OAT: variants seen among roughly 807,000 people sequenced by gnomAD.
OAT encodes ornithine aminotransferase.
In OAT, 35 loss-of-function variants were observed where a neutral mutation model predicts 48.4. The observed-to-expected ratio is 0.72, with a 90% confidence interval of 0.55 to 0.96. OAT has a LOEUF of 0.96. OAT is among the 40% of genes least tolerant of loss of function. OAT has a pLI of 0.00. For synonymous variants in OAT, 182 were observed against 198.4 expected (o/e 0.92, Z 0.70); for missense variants, 438 against 537.9 (o/e 0.81, Z 1.84).
chr10:124,399,640 C>T (rs7915362), intron 9 of OAT, among the ~76,000 whole-genome samples: 115,566 of 152,102 alleles, frequency 0.76, 44,011 homozygotes, highest in East Asian at 0.91. Context: ...ACACCGCGCC[C>T]GGCCCCTCAG....
chr10:124,401,609 T>C (rs1236882702), intron 8 of OAT, 117 bp downstream of exon 8: 2 of 748,414 alleles, frequency 2.7e-6, no homozygotes, highest in Non-Finnish European at 4.7e-6. Context: ...CTATACTTCA[T>C]GTTTTCTAAT....
At position 124,398,057 on chromosome 10, in the gene OAT, A is replaced by G. The variant is rs121965043; in HGVS notation, c.1205T>C (p.Leu402Pro). 1.1e-4 allele frequency: 179 copies of G among 1,614,158 alleles called. 1 individual carries two copies. Among genetic ancestry groups the G allele is most frequent in the Non-Finnish European group, 9.3e-6 (11 of 1,180,004 alleles). ...KVCLRLRDNG[L>P]LAKPTHGDII... is the part of the protein sequence containing the mutation. ...GTCGCCATGGGTTGGCTTGGCCAGA[A>G]GTCCATTATCTCGAAGTCGTAGACA... Residue 402 changes from leucine to proline, a missense_variant, in exon 10 of 10, where the codon CTT becomes CCT. Leu to Pro is a moderately conservative substitution (Grantham distance 98). Transcript: ENST00000368845.
chr10:124,417,726 G>A (rs1951964581), intron 1 of OAT, among the ~76,000 whole-genome samples: 1 of 152,178 alleles, frequency 6.6e-6, no homozygotes, highest in South Asian at 2.1e-4. Flanking sequence ...AACAGTTCCG[G>A]GGTTAACTGA....
At chr10:124,411,235 C>CG (rs71484554) in intron 2 of OAT, among the ~76,000 whole-genome samples, 15 of 147,986 alleles carry the variant, frequency 1.0e-4, no homozygotes, top group Non-Finnish European at 1.9e-4. Flanking sequence ...ATGCAGGCGG[C>CG]GGGGGGAGAA....
intron 1 of OAT, among the ~76,000 whole-genome samples, chr10:124,413,742 G>A (rs1951832933): frequency 6.6e-6 from 1 of 152,130 alleles, no homozygotes; most frequent in Non-Finnish European, 1.5e-5. Flanking sequence ...AGAAACTAGA[G>A]AGAGTCAAAC....
chr10:124,407,289 T>C, intron 4 of OAT: 1 of 985,488 alleles, frequency 1.0e-6, no homozygotes, highest in Non-Finnish European at 1.2e-6. Context: ...ACCCTGCAGG[T>C]ATAAGGGACT....
intron 1 of OAT, chr10:124,415,062 G>A (rs1589721103): frequency 6.3e-5 from 1 of 15,812 alleles, no homozygotes; most frequent in Non-Finnish European, 9.0e-5. Context: ...TCCAGCCTGG[G>A]CTACAAAGCG....
chr10:124,399,951 C>G (rs531638797), intron 9 of OAT, among the ~76,000 whole-genome samples: 5 of 152,308 alleles, frequency 3.3e-5, no homozygotes, highest in African/African-American at 9.6e-5. Context: ...CTTGAACTCT[C>G]TAAATACTGC....
intron 1 of OAT, among the ~76,000 whole-genome samples, chr10:124,416,704 T>G (rs917162717): frequency 6.6e-6 from 1 of 152,186 alleles, no homozygotes; most frequent in Non-Finnish European, 1.5e-5. Flanking sequence ...TGAAGTTAAT[T>G]TAGCCTATAC....
At position 124,412,281 on chromosome 10, in the gene OAT, T is replaced by C. The variant is rs2674340; in HGVS notation, c.-29-81A>G. 889,293 of 1,063,574 alleles carry C rather than the reference T, an allele frequency of 0.84. 373,305 individuals carry two copies. The highest frequency in any genetic ancestry group is 0.96 in the East Asian group (37,764 of 39,532). The allele number at this position is 1,063,574 out of a possible 1,614,324, so 65.9% of individuals were successfully genotyped here. A position where few individuals can be genotyped will look rare whatever the true frequency, so the allele number is the denominator to read the frequency against. On this transcript the variant is annotated intron_variant, in intron 1 of 9. Coordinates refer to ENST00000368845, the MANE Select transcript of OAT (RefSeq NM_000274.4). ...ATCTCAGCACTTTGGGAGGCTGAGG[T>C]CAAAGGATCACGTGAGCCCAGGAGT...
At chr10:124,399,306 A>C (rs1345468529) in intron 9 of OAT, among the ~76,000 whole-genome samples, 1 of 133,122 alleles carries the variant, frequency 7.5e-6, no homozygotes, top group African/African-American at 2.8e-5. Flanking sequence ...CCAGGCTTTG[A>C]CTCATTTTTT....
chr10:124,404,657 A>G (rs1034351025), intron 5 of OAT, among the ~76,000 whole-genome samples: 3 of 152,056 alleles, frequency 2.0e-5, no homozygotes, highest in African/African-American at 7.2e-5. Context: ...ACTCCTGAAC[A>G]CAAAGTGCTC....
chr10:124,411,139 CAAAAAA>C (rs370084432), intron 2 of OAT, among the ~76,000 whole-genome samples: 3 of 15,034 alleles, frequency 2.0e-4, no homozygotes, highest in Non-Finnish European at 3.8e-4. Context: ...CATTCCGTCT[CAAAAAA>C]AAAAAAAAAA....
In OAT at chr10:124,397,352, A is replaced by C. The variant is rs1197363124; in HGVS notation, c.*590T>G. 6.6e-6 allele frequency: 1 copy of C among 152,302 alleles called. No individual in the cohort carries two copies. The highest frequency in any genetic ancestry group is 1.5e-5 in the Non-Finnish European group (1 of 68,074). The allele number at this position is 152,302 out of a possible 1,614,324, so 9.4% of individuals were successfully genotyped here. ...TTAAATTTAAAGAAGTATTGAAAAT[A>C]AACATTTTTTACAAATTATAATCAA... On this transcript the variant is annotated 3_prime_UTR_variant, in exon 10 of 10. Coordinates refer to ENST00000368845, the MANE Select transcript of OAT (RefSeq NM_000274.4).
chr10:124,403,775 T>A (rs1364383602), intron 6 of OAT, 23 bp downstream of exon 6: 4 of 1,613,812 alleles, frequency 2.5e-6, no homozygotes, highest in Non-Finnish European at 3.4e-6. Context: ...TTCAGCCTTA[T>A]CACAAACAGC....
At position 124,411,033 on chromosome 10, in the gene OAT, G is replaced by A. The variant is rs375542150; in HGVS notation, c.199+940C>T. On this transcript the variant is annotated intron_variant, in intron 2 of 9. Transcript: ENST00000368845. Reference sequence around the variant, plus strand: ...CGTGGGCCTGTAGTCCCAGCTCCTCGGGAGGCTGAGGCAAGAGAATCACTT... The same window carrying A: ...CGTGGGCCTGTAGTCCCAGCTCCTCAGGAGGCTGAGGCAAGAGAATCACTT... Among the ~76,000 whole-genome samples the A allele has an allele frequency of 4.6e-3, 699 of 150,510 alleles. 3 individuals are homozygous for A. Among genetic ancestry groups the A allele is most frequent in the African/African-American group, 0.016 (653 of 41,004 alleles).
In OAT at chr10:124,408,317, GTATA is replaced by G. The variant is rs1173599560; in HGVS notation, c.520+221_520+224del. On this transcript the variant is annotated intron_variant, in intron 4 of 9. Coordinates refer to ENST00000368845, the MANE Select transcript of OAT (RefSeq NM_000274.4). Reference sequence around the variant, plus strand: ...TGTGTGTGTGTGTGTGTGTGTGTGTGTATATATATATATATATATATATATATTT... The same window carrying G: ...TGTGTGTGTGTGTGTGTGTGTGTGTGTATATATATATATATATATATATTT... 3.2e-3 allele frequency among the ~76,000 whole-genome samples: 264 copies of G among 83,168 alleles called. 7 individuals are homozygous for G. In the East Asian group the frequency reaches 0.055, roughly 17 times the overall value. The allele number at this position is 83,168 out of a possible 152,430, so 54.6% of individuals were successfully genotyped here.
chr10:124,402,929 G>T lies in OAT; in HGVS notation c.898C>A (p.Pro300Thr). 6.2e-7 allele frequency: 1 copy of T among 1,613,628 alleles called. No individual in the cohort carries two copies. The highest frequency in any genetic ancestry group is 8.5e-7 in the Non-Finnish European group (1 of 1,179,918). ...LGKALSGGLYPVSAVLCDDDI... is the reference protein window; with the variant it reads ...LGKALSGGLYTVSAVLCDDDI... ...AAGAGGGGGAACATGAAACTTACAG[G>T]GTATAAGCCCCCAGAAAGGGCCTTT... Residue 300 changes from proline to threonine, a missense_variant and splice_region_variant, in exon 7 of 10, where the codon CCT (proline) becomes ACT (threonine). Physicochemically the swap from Pro to Thr is conservative, Grantham distance 38 (BLOSUM62 -1). Transcript: ENST00000368845.
At chr10:124,406,821 A>AT (rs1951592908) in intron 4 of OAT, 4 of 323,636 alleles carry the variant, frequency 1.2e-5, no homozygotes, top group Non-Finnish European at 1.8e-5. Context: ...AAAAAAAAAA[A>AT]GTTGGGAAAT....
Sources: gnomAD v4.1 joint callset for allele counts (sites outside exome capture counted in the v4.1 genomes callset) on GRCh38, gnomAD v4.1.1 for gene constraint, MANE v1.5 for transcripts, NCBI Gene and HGNC (gene_info 2026-07-23, HGNC 2026-07-21) for gene names.